The following SLC36A1 variants were observed in gnomAD, a reference collection of about 807,000 sequenced individuals.
SLC36A1 encodes the protein proton-coupled amino acid transporter 1.
SLC36A1 carries 30 observed loss-of-function variants against 47.5 expected under a neutral mutation model. That is an observed-to-expected ratio of 0.63 (90% CI 0.47 to 0.86). The LOEUF (loss-of-function observed/expected upper bound fraction) is 0.86. Ranked by LOEUF, SLC36A1 falls within the 40% of genes least tolerant of loss-of-function variation. The pLI, the probability that SLC36A1 is intolerant of heterozygous loss-of-function variation, is 0.00. For missense variants in SLC36A1, 517 were observed against 606.0 expected, an observed-to-expected ratio of 0.85 and a Z score of 1.54; for synonymous variants, 255 against 249.7, an observed-to-expected ratio of 1.02 and a Z score of -0.20.
chr5:151,542,436 T>C, the SLC36A1 span: 1 of 1,614,200 alleles, frequency 6.2e-7, no homozygotes. Context: ...CATTCTCATC[T>C]GTAATGGAGA....
At chr5:151,407,273 G>A in the SLC36A1 span, among the ~76,000 whole-genome samples, 20 of 152,322 alleles carry the variant, frequency 1.3e-4, no homozygotes, top group East Asian at 3.9e-4. Flanking sequence ...CCCTACCCAC[G>A]TCCTGCTGAT....
chr5:151,463,746 C>T (rs1755930949), intron 3 of SLC36A1, 103 bp downstream of exon 3: 2 of 887,154 alleles, frequency 2.3e-6, no homozygotes, highest in South Asian at 3.0e-5. Context: ...AATAGAGAAG[C>T]ATTTTAAAAA....
chr5:151,357,355 G>A, the SLC36A1 span, among the ~76,000 whole-genome samples: 4 of 152,236 alleles, frequency 2.6e-5, no homozygotes, highest in Non-Finnish European at 4.4e-5. Context: ...ACTAAAAGGA[G>A]CACTAGCCAG....
chr5:151,427,436 T>A, the SLC36A1 span, among the ~76,000 whole-genome samples: 1 of 152,322 alleles, frequency 6.6e-6, no homozygotes, highest in South Asian at 2.1e-4. Context: ...GCACCTGTTC[T>A]GGCAACCACC....
upstream of SLC36A1, chr5:151,436,921 C>G (rs1027680780): frequency 6.6e-6 from 1 of 152,022 alleles, no homozygotes; most frequent in African/African-American, 2.4e-5. Flanking sequence ...GCTCCTACAT[C>G]CTCACTTTTT....
the SLC36A1 span, among the ~76,000 whole-genome samples, chr5:151,411,452 C>G: frequency 1.4e-5 from 2 of 144,530 alleles, 1 homozygote; most frequent in African/African-American, 5.0e-5. Context: ...AATTCCTTTC[C>G]TGAAATTTTG....
chr5:151,538,037 C>A, the SLC36A1 span: 4 of 1,161,116 alleles, frequency 3.4e-6, no homozygotes, highest in South Asian at 1.6e-5. Flanking sequence ...GAGGCAGAAG[C>A]AGAAAGAGAG....
At chr5:151,547,926 TC>T in the SLC36A1 span, among the ~76,000 whole-genome samples, 1 of 152,214 alleles carries the variant, frequency 6.6e-6, no homozygotes, top group Non-Finnish European at 1.5e-5. Flanking sequence ...TTTCGTGTTT[TC>T]AAAAATGAGC....
chr5:151,379,709 C>T, the SLC36A1 span, among the ~76,000 whole-genome samples: 1 of 152,170 alleles, frequency 6.6e-6, no homozygotes, highest in Non-Finnish European at 1.5e-5. Flanking sequence ...TAACTTAACA[C>T]AATATACCCC....
At chr5:151,420,484 G>T in the SLC36A1 span, among the ~76,000 whole-genome samples, 1 of 152,138 alleles carries the variant, frequency 6.6e-6, no homozygotes, top group African/African-American at 2.4e-5. Flanking sequence ...GCACACTGCT[G>T]GTCTTCCTGC....
the SLC36A1 span, among the ~76,000 whole-genome samples, chr5:151,381,647 G>C: frequency 6.6e-6 from 1 of 152,106 alleles, no homozygotes; most frequent in Non-Finnish European, 1.5e-5. Context: ...CCCTGCACTT[G>C]ACAGATCAGC....
upstream of SLC36A1, among the ~76,000 whole-genome samples, chr5:151,443,727 A>G (rs1752762240): frequency 6.6e-6 from 1 of 152,140 alleles, no homozygotes; most frequent in Non-Finnish European, 1.5e-5. Context: ...CTGATATCCA[A>G]AAAAATCATT....
downstream of SLC36A1, among the ~76,000 whole-genome samples, chr5:151,493,026 G>A (rs192568363): frequency 2.4e-4 from 37 of 152,030 alleles, no homozygotes; most frequent in East Asian, 2.9e-3. Flanking sequence ...GTGTGTGTGT[G>A]TATATATATA....
intron 5 of SLC36A1, among the ~76,000 whole-genome samples, chr5:151,466,894 C>T (rs113514922): frequency 0.017 from 2,580 of 152,246 alleles, 68 homozygotes; most frequent in African/African-American, 0.057. Context: ...TGCCCCAGAC[C>T]AGTGGCACCT....
the SLC36A1 span, among the ~76,000 whole-genome samples, chr5:151,379,114 C>A: frequency 6.6e-6 from 1 of 152,160 alleles, no homozygotes; most frequent in Non-Finnish European, 1.5e-5. Context: ...GAAGCCCAGG[C>A]CCCCAGCCTG....
chr5:151,394,259 C>A, the SLC36A1 span, among the ~76,000 whole-genome samples: 9 of 152,198 alleles, frequency 5.9e-5, no homozygotes. Context: ...TCCATCAGGT[C>A]ATTTAAGGAC....
At chr5:151,413,981 C>T in the SLC36A1 span, among the ~76,000 whole-genome samples, 1 of 152,108 alleles carries the variant, frequency 6.6e-6, no homozygotes, top group Non-Finnish European at 1.5e-5. Flanking sequence ...TGAAATTCTT[C>T]AAGCACTAGA....
At chr5:151,464,625 C>T (rs1462679122) in intron 4 of SLC36A1, 23 bp downstream of exon 4, 24 of 1,602,478 alleles carry the variant, frequency 1.5e-5, no homozygotes, top group Non-Finnish European at 2.0e-5. Flanking sequence ...TGAGCCACCT[C>T]TCAAGTGACA....
the SLC36A1 span, among the ~76,000 whole-genome samples, chr5:151,364,327 A>C: frequency 6.6e-6 from 1 of 152,218 alleles, no homozygotes; most frequent in African/African-American, 2.4e-5. Context: ...ATCCATACAT[A>C]GACCTTCACA....
Sources: allele counts gnomAD v4.1 joint callset (sites outside exome capture counted in the v4.1 genomes callset), GRCh38; gene constraint gnomAD v4.1.1; transcripts MANE v1.5; gene names NCBI Gene and HGNC (gene_info 2026-07-23, HGNC 2026-07-21).